The following CECR2 variants were observed in gnomAD, a reference collection of about 807,000 sequenced individuals.
CECR2 encodes CECR2 histone acetyl-lysine reader, also known as chromatin remodeling regulator CECR2.
A neutral mutation model predicts 154.5 loss-of-function variants in CECR2; 30 were observed. The ratio of observed to expected loss-of-function variants is 0.19; its 90% CI spans 0.15 to 0.26. The LOEUF is 0.26. CECR2 is among the 10% of genes least tolerant of loss of function. The pLI is 1.00. For synonymous variants in CECR2, 725 were observed against 683.7 expected (o/e 1.06, Z -0.94); for missense variants, 1,743 against 1,829.3 (o/e 0.95, Z 0.86).
chr22:17,493,268 G>A (rs1156919045), intron 2 of CECR2, among the ~76,000 whole-genome samples: 2 of 152,218 alleles, frequency 1.3e-5, no homozygotes, highest in East Asian at 1.9e-4. Flanking sequence ...TACTGCGCCC[G>A]GCCTCTTTTT....
intron 1 of CECR2, among the ~76,000 whole-genome samples, chr22:17,393,075 T>G (rs555139590): frequency 6.6e-6 from 1 of 152,252 alleles, no homozygotes; most frequent in African/African-American, 2.4e-5. Flanking sequence ...TTTTAGTATA[T>G]TTACAAATAG....
intron 2 of CECR2, among the ~76,000 whole-genome samples, chr22:17,484,172 T>G (rs1241131118): frequency 6.6e-6 from 1 of 152,220 alleles, no homozygotes; most frequent in African/African-American, 2.4e-5. Flanking sequence ...ATATCCTTTA[T>G]GTTAAGCAAT....
chr22:17,412,497 T>C (rs2054082153), intron 1 of CECR2, among the ~76,000 whole-genome samples: 1 of 152,098 alleles, frequency 6.6e-6, no homozygotes, highest in Non-Finnish European at 1.5e-5. Flanking sequence ...GGCTCCCAGC[T>C]CCTAATTCGA....
At chr22:17,424,997 T>C (rs2054309658) in intron 1 of CECR2, among the ~76,000 whole-genome samples, 1 of 152,250 alleles carries the variant, frequency 6.6e-6, no homozygotes, top group Non-Finnish European at 1.5e-5. Flanking sequence ...TATAATCTAA[T>C]ATCTAAAATT....
At chr22:17,457,798 T>G (rs936522498) in intron 1 of CECR2, among the ~76,000 whole-genome samples, 2 of 152,194 alleles carry the variant, frequency 1.3e-5, no homozygotes, top group African/African-American at 2.4e-5. Flanking sequence ...GGTACAGCCA[T>G]TCCATAGACT....
At chr22:17,371,378 C>T (rs1204933432) in intron 1 of CECR2, among the ~76,000 whole-genome samples, 1 of 152,052 alleles carries the variant, frequency 6.6e-6, no homozygotes, top group Non-Finnish European at 1.5e-5. Context: ...GAGGTAATAA[C>T]GGGCATTTTA....
At chr22:17,406,247 A>ATGG (rs1259540226) in intron 1 of CECR2, among the ~76,000 whole-genome samples, 1 of 152,098 alleles carries the variant, frequency 6.6e-6, no homozygotes, top group Non-Finnish European at 1.5e-5. Context: ...AGGACCGGGC[A>ATGG]TGGTGGCTCA....
At chr22:17,410,180 C>T (rs1471563283) in intron 1 of CECR2, among the ~76,000 whole-genome samples, 5 of 151,910 alleles carry the variant, frequency 3.3e-5, no homozygotes, top group Non-Finnish European at 7.4e-5. Context: ...TGGGTTTTCA[C>T]CATGTTGGCC....
At chr22:17,415,809 C>A (rs971164669) in intron 1 of CECR2, among the ~76,000 whole-genome samples, 2 of 152,198 alleles carry the variant, frequency 1.3e-5, no homozygotes, top group Admixed American at 6.5e-5. Context: ...TTACTTTCAT[C>A]TACAAATAAT....
At chr22:17,384,878 A>T (rs2077343502) in intron 1 of CECR2, among the ~76,000 whole-genome samples, 2 of 152,202 alleles carry the variant, frequency 1.3e-5, no homozygotes, top group South Asian at 4.1e-4. Context: ...CTACAGTGAA[A>T]ATCTGTTGTG....
chr22:17,399,177 G>A (rs1246133102), intron 1 of CECR2, among the ~76,000 whole-genome samples: 1 of 152,188 alleles, frequency 6.6e-6, no homozygotes, highest in Non-Finnish European at 1.5e-5. Context: ...TAATGGTATA[G>A]TAAAAGGCTC....
At chr22:17,447,234 G>A (rs5992055) in intron 1 of CECR2, among the ~76,000 whole-genome samples, 11 of 149,938 alleles carry the variant, frequency 7.3e-5, no homozygotes, top group South Asian at 4.3e-4. Context: ...GGGACTGCAA[G>A]CTCCGCCTCC....
chr22:17,535,947 G>A (rs974491506), intron 9 of CECR2, among the ~76,000 whole-genome samples: 22 of 152,072 alleles, frequency 1.4e-4, no homozygotes, highest in Admixed American at 5.9e-4. Context: ...GCTAGAATTG[G>A]GGAAGAAAGT....
At chr22:17,373,734 T>TAAACAGATGAATGA (rs2063086693) in intron 1 of CECR2, among the ~76,000 whole-genome samples, 1 of 152,210 alleles carries the variant, frequency 6.6e-6, no homozygotes, top group Admixed American at 6.5e-5. Context: ...GTAGTTGATA[T>TAAACAGATGAATGA]CATTAAGCCC....
At chr22:17,508,917 G>GT (rs1371337247) in intron 7 of CECR2, among the ~76,000 whole-genome samples, 3 of 152,178 alleles carry the variant, frequency 2.0e-5, no homozygotes, top group African/African-American at 7.2e-5. Flanking sequence ...CTTATCCAGT[G>GT]TAACACAATA....
chr22:17,507,064 T>G (rs1215560801), intron 7 of CECR2, among the ~76,000 whole-genome samples: 1 of 152,232 alleles, frequency 6.6e-6, no homozygotes, highest in African/African-American at 2.4e-5. Context: ...CAGAAATATT[T>G]GACCACTTGC....
intron 1 of CECR2, among the ~76,000 whole-genome samples, chr22:17,384,360 A>G (rs1363192924): frequency 6.6e-6 from 1 of 152,218 alleles, no homozygotes; most frequent in Non-Finnish European, 1.5e-5. Context: ...TTAGGATTAC[A>G]GGTGTGAGCC....
At chr22:17,382,526 A>G (rs1272037007) in intron 1 of CECR2, among the ~76,000 whole-genome samples, 3 of 152,242 alleles carry the variant, frequency 2.0e-5, no homozygotes, top group Non-Finnish European at 4.4e-5. Context: ...CACAGGGCAT[A>G]TAAAAGTTAT....
intron 1 of CECR2, among the ~76,000 whole-genome samples, chr22:17,362,634 T>G (rs1465053692): frequency 6.6e-6 from 1 of 152,090 alleles, no homozygotes; most frequent in Admixed American, 6.6e-5. Flanking sequence ...CTGGGCTCGG[T>G]GGCTCACGCC....
Sources: gnomAD v4.1 joint callset for allele counts (sites outside exome capture counted in the v4.1 genomes callset) on GRCh38, gnomAD v4.1.1 for gene constraint, MANE v1.5 for transcripts, NCBI Gene and HGNC (gene_info 2026-07-23, HGNC 2026-07-21) for gene names.